The following WWOX variants were observed in gnomAD, a reference collection of about 807,000 sequenced individuals.
WWOX encodes WW domain-containing oxidoreductase.
Under a neutral mutation model 46.2 loss-of-function variants are expected in WWOX, and 69 were observed. The observed-to-expected ratio is 1.49, with a 90% CI of 1.23 to 1.82. WWOX has a LOEUF of 1.82. WWOX is among the 40% of genes most tolerant of loss of function. WWOX has a pLI of 0.00. For synonymous variants in WWOX, 359 were observed against 202.6 expected (o/e 1.77, Z -6.56); for missense variants, 919 against 542.6 (o/e 1.69, Z -6.89).
chr16:78,269,395 T>C (rs911196807), intron 5 of WWOX, among the ~76,000 whole-genome samples: 1 of 152,190 alleles, frequency 6.6e-6, no homozygotes, highest in African/African-American at 2.4e-5. Context: ...GTCCCTGCTC[T>C]GTGAGCAGCT....
At chr16:78,376,591 C>T (rs1325225195) in intron 5 of WWOX, among the ~76,000 whole-genome samples, 3 of 152,188 alleles carry the variant, frequency 2.0e-5, no homozygotes, top group Non-Finnish European at 4.4e-5. Flanking sequence ...CACACGCAGG[C>T]ATCCTCGGGA....
At chr16:78,537,424 C>G (rs1419409148) in intron 8 of WWOX, among the ~76,000 whole-genome samples, 1 of 152,178 alleles carries the variant, frequency 6.6e-6, no homozygotes, top group Non-Finnish European at 1.5e-5. Context: ...TTCTCACTGA[C>G]TATAGATGTT....
intron 5 of WWOX, among the ~76,000 whole-genome samples, chr16:78,173,359 G>C (rs990207356): frequency 6.6e-6 from 1 of 152,032 alleles, no homozygotes; most frequent in African/African-American, 2.4e-5. Context: ...CACAATGATG[G>C]TTCACTGCAA....
At chr16:78,990,370 C>T (rs1276656028) in intron 8 of WWOX, among the ~76,000 whole-genome samples, 3 of 152,154 alleles carry the variant, frequency 2.0e-5, no homozygotes, top group African/African-American at 7.2e-5. Context: ...TGTCCGCAGC[C>T]TGAGGAGCCT....
chr16:78,316,604 A>G (rs1345258398), intron 5 of WWOX, among the ~76,000 whole-genome samples: 2 of 152,024 alleles, frequency 1.3e-5, no homozygotes. Flanking sequence ...CGGCCTCCCA[A>G]AGTGCTGGGA....
intron 8 of WWOX, among the ~76,000 whole-genome samples, chr16:79,106,326 C>G (rs2049306841): frequency 1.3e-5 from 2 of 152,192 alleles, no homozygotes; most frequent in African/African-American, 4.8e-5. Context: ...CCTGTGCTCA[C>G]TCAGTTCAGG....
At chr16:78,850,351 G>C (rs1316564707) in intron 8 of WWOX, among the ~76,000 whole-genome samples, 2 of 152,052 alleles carry the variant, frequency 1.3e-5, no homozygotes, top group African/African-American at 4.8e-5. Flanking sequence ...ACTACATCCC[G>C]AGTGTTTCAC....
intron 8 of WWOX, among the ~76,000 whole-genome samples, chr16:78,726,311 A>G (rs2048835821): frequency 6.6e-6 from 1 of 151,254 alleles, no homozygotes; most frequent in South Asian, 2.1e-4. Context: ...TGCAGCCTCA[A>G]CCTCCTGGGG....
intron 8 of WWOX, among the ~76,000 whole-genome samples, chr16:78,768,594 A>AC: frequency 1.1e-5 from 1 of 90,034 alleles, no homozygotes; most frequent in Non-Finnish European, 2.5e-5. Flanking sequence ...CATCTCGAGG[A>AC]AAAAAAAAAA....
chr16:78,971,263 A>G (rs2046462974), intron 8 of WWOX, among the ~76,000 whole-genome samples: 2 of 151,778 alleles, frequency 1.3e-5, no homozygotes. Context: ...CAGGAGTTCG[A>G]GACCAGCCTG....
At chr16:78,317,443 C>G (rs556332110) in intron 5 of WWOX, among the ~76,000 whole-genome samples, 1 of 152,214 alleles carries the variant, frequency 6.6e-6, no homozygotes, top group African/African-American at 2.4e-5. Context: ...CAGGACCGTG[C>G]CCACACAAAG....
chr16:78,399,738 T>G (rs370701419), intron 6 of WWOX, among the ~76,000 whole-genome samples: 2 of 152,268 alleles, frequency 1.3e-5, no homozygotes. Flanking sequence ...TCCAGCTTGG[T>G]TTTTCTCCTC....
intron 8 of WWOX, among the ~76,000 whole-genome samples, chr16:78,942,334 T>G (rs1243819704): frequency 6.6e-6 from 1 of 152,210 alleles, no homozygotes; most frequent in Non-Finnish European, 1.5e-5. Context: ...TCAAGCTGAT[T>G]GAAAAGTCAA....
intron 8 of WWOX, among the ~76,000 whole-genome samples, chr16:79,113,586 A>G (rs1196109759): frequency 6.6e-6 from 1 of 152,264 alleles, no homozygotes; most frequent in Non-Finnish European, 1.5e-5. Flanking sequence ...GGAATGAGCA[A>G]TCCCTGTCGC....
chr16:78,808,770 T>A (rs951136498), intron 8 of WWOX, among the ~76,000 whole-genome samples: 4 of 152,136 alleles, frequency 2.6e-5, no homozygotes, highest in Admixed American at 1.3e-4. Context: ...AGGTTCTAAT[T>A]TGCCCAGTGT....
intron 8 of WWOX, among the ~76,000 whole-genome samples, chr16:78,839,084 C>T (rs976009083): frequency 1.3e-5 from 2 of 151,336 alleles, no homozygotes; most frequent in African/African-American, 2.4e-5. Context: ...CATGAGATTG[C>T]TGTATTATTT....
At chr16:78,904,310 C>G (rs576219073) in intron 8 of WWOX, among the ~76,000 whole-genome samples, 4 of 144,730 alleles carry the variant, frequency 2.8e-5, no homozygotes, top group African/African-American at 1.0e-4. Context: ...ATGATCTCGG[C>G]TCACTGCAAC....
chr16:78,590,603 C>T (rs1567665253), intron 8 of WWOX, among the ~76,000 whole-genome samples: 1 of 152,084 alleles, frequency 6.6e-6, no homozygotes, highest in Non-Finnish European at 1.5e-5. Flanking sequence ...CCAAGTTCTC[C>T]TGCAGTTTGT....
At chr16:78,633,641 A>G (rs1442415507) in intron 8 of WWOX, among the ~76,000 whole-genome samples, 1 of 152,106 alleles carries the variant, frequency 6.6e-6, no homozygotes, top group African/African-American at 2.4e-5. Flanking sequence ...ACATTGCTGC[A>G]AGGCCCGCTT....
Sources: gnomAD v4.1 joint callset for allele counts (sites outside exome capture counted in the v4.1 genomes callset) on GRCh38, gnomAD v4.1.1 for gene constraint, MANE v1.5 for transcripts, NCBI Gene and HGNC (gene_info 2026-07-23, HGNC 2026-07-21) for gene names.